PGM2L1: variants seen among roughly 807,000 people sequenced by gnomAD.
PGM2L1 encodes glucose 1,6-bisphosphate synthase.
Under a neutral mutation model 73.4 loss-of-function variants are expected in PGM2L1, and 35 were observed. The observed-to-expected ratio is 0.48, with a 90% CI of 0.36 to 0.63. PGM2L1 has a LOEUF of 0.63. Ranked by LOEUF, PGM2L1 falls within the 30% of genes least tolerant of loss-of-function variation. The probability of loss-of-function intolerance (pLI) is 0.00; values close to 1 mark genes in which losing one functional copy is unlikely to be tolerated. For synonymous variants in PGM2L1, 225 were observed against 253.8 expected, an observed-to-expected ratio of 0.89 and a Z score of 1.08; for missense variants, 570 against 742.0, an observed-to-expected ratio of 0.77 and a Z score of 2.69.
chr11:74,376,593 A>G (rs985283459), intron 1 of PGM2L1, among the ~76,000 whole-genome samples: 5 of 151,712 alleles, frequency 3.3e-5, no homozygotes, highest in Non-Finnish European at 7.4e-5. Context: ...CATTATGCAT[A>G]TATGTATGTA....
rs1382605244 is a variant in PGM2L1, at chr11:74,333,175, A to G, written c.*3477T>C. 1 of 152,070 alleles carries G rather than the reference A, an allele frequency of 6.6e-6. No homozygotes were observed. The highest frequency in any genetic ancestry group is 1.5e-5 in the Non-Finnish European group (1 of 67,994). 9.4% of individuals were successfully genotyped at this position (152,070 alleles called of 1,614,324 possible). On this transcript the variant is annotated 3_prime_UTR_variant, in exon 14 of 14. Coordinates refer to ENST00000298198, the MANE Select transcript of PGM2L1 (RefSeq NM_173582.6). Reference sequence around the variant, plus strand: ...ATCTGTATATCTCTTAATTTTTAAAATTTTTATTCCCTTAAAAATAAAAAA... The same window carrying G: ...ATCTGTATATCTCTTAATTTTTAAAGTTTTTATTCCCTTAAAAATAAAAAA...
chr11:74,388,048 T>C (rs774449669), intron 1 of PGM2L1, among the ~76,000 whole-genome samples: 1 of 152,224 alleles, frequency 6.6e-6, no homozygotes, highest in African/African-American at 2.4e-5. Flanking sequence ...CATGTATATC[T>C]TGCACAGAGG....
intron 5 of PGM2L1, among the ~76,000 whole-genome samples, chr11:74,367,704 G>A (rs1862682446): frequency 6.6e-6 from 1 of 152,108 alleles, no homozygotes; most frequent in Admixed American, 6.5e-5. Context: ...TCTCCCCTGA[G>A]CTACAAGTCT....
rs12049823 is a variant in PGM2L1 at position 74,398,121 on chromosome 11, A to G, written c.41T>C (p.Leu14Pro). 0.17 allele frequency: 267,445 copies of G among 1,612,122 alleles called. 24,174 individuals carry two copies. Among genetic ancestry groups the G allele is most frequent in the East Asian group, 0.29 (13,051 of 44,754 alleles). Residue 14 changes from leucine to proline, a missense_variant, in exon 1 of 14, where the codon CTC (leucine) becomes CCC (proline). Transcript: ENST00000298198. ...NTEGDLNSNL[L>P]HAPYHTGDPQ... Reference sequence around the variant, plus strand: ...GTCCCCGGTGTGGTAGGGGGCGTGGAGCAGGTTGGAGTTCAGATCCCCCTC... The same window carrying G: ...GTCCCCGGTGTGGTAGGGGGCGTGGGGCAGGTTGGAGTTCAGATCCCCCTC...
intron 5 of PGM2L1, among the ~76,000 whole-genome samples, chr11:74,364,304 C>T (rs1199535428): frequency 6.6e-6 from 1 of 152,174 alleles, no homozygotes; most frequent in Non-Finnish European, 1.5e-5. Flanking sequence ...AAAACTGGCA[C>T]AAGACAGGGA....
At position 74,353,176 on chromosome 11, in the gene PGM2L1, G is replaced by GTT. The variant is rs141823370; in HGVS notation, c.556-1602_556-1601dup. 1.8e-4 allele frequency among the ~76,000 whole-genome samples: 27 copies of GTT among 151,512 alleles called. No homozygotes were observed. In the East Asian group the frequency reaches 2.7e-3, roughly 15 times the overall value. On this transcript the variant is annotated intron_variant, in intron 5 of 13. Transcript: ENST00000298198. ...TTAAAACAAACAAAAAACCCAGAAT[G>GTT]TTTTTTTGTGTGTGTGTGTGTTGTA...
chr11:74,357,594 T>C (rs1170471268), intron 5 of PGM2L1, among the ~76,000 whole-genome samples: 1 of 152,248 alleles, frequency 6.6e-6, no homozygotes, highest in South Asian at 2.1e-4. Context: ...TAAAATGGTA[T>C]AGCCACTTTA....
intron 2 of PGM2L1, among the ~76,000 whole-genome samples, chr11:74,372,130 TA>T (rs10712477): frequency 0.67 from 97,858 of 145,682 alleles, 32,377 homozygotes; most frequent in East Asian, 0.8. Context: ...GTCAATAAGC[TA>T]AAAAAAAAAA....
At chr11:74,340,874 G>A (rs1250290771) in intron 12 of PGM2L1, among the ~76,000 whole-genome samples, 3 of 152,086 alleles carry the variant, frequency 2.0e-5, no homozygotes, top group Non-Finnish European at 4.4e-5. Flanking sequence ...GTATGGGCCT[G>A]TAGAAATTGG....
chr11:74,398,233 C>A lies in PGM2L1; in HGVS notation c.-72G>T, dbSNP rs898073589. ...TTGGGGTGGGGGGTGGCTTGGGGTT[C>A]GCTCACCAGGGTCCAGGCGTCCCCA... On this transcript the variant is annotated 5_prime_UTR_variant, in exon 1 of 14. Transcript: ENST00000298198. 8.5e-6 allele frequency: 13 copies of A among 1,531,938 alleles called. No individual in the cohort carries two copies. Among genetic ancestry groups the A allele is most frequent in the South Asian group, 1.3e-5 (1 of 79,154 alleles). 94.9% of individuals were successfully genotyped at this position (1,531,938 alleles called of 1,614,324 possible).
intron 5 of PGM2L1, among the ~76,000 whole-genome samples, chr11:74,353,521 A>C (rs569322465): frequency 0.022 from 3,304 of 151,142 alleles, 70 homozygotes; most frequent in Admixed American, 0.029. Flanking sequence ...ACTTGAGATT[A>C]GGGAGTAGTG....
intron 1 of PGM2L1, among the ~76,000 whole-genome samples, chr11:74,391,307 C>CT (rs1863098722): frequency 6.6e-6 from 1 of 151,906 alleles, no homozygotes; most frequent in Non-Finnish European, 1.5e-5. Context: ...CATCTTCCAG[C>CT]TTTTTACTAT....
intron 6 of PGM2L1, among the ~76,000 whole-genome samples, chr11:74,349,320 ACTG>A (rs1862314258): frequency 6.6e-6 from 1 of 152,114 alleles, no homozygotes; most frequent in Non-Finnish European, 1.5e-5. Context: ...TGACCAATAA[ACTG>A]CTTTTTTAGT....
At chr11:74,358,988 C>T (rs532908756) in intron 5 of PGM2L1, among the ~76,000 whole-genome samples, 218 of 152,156 alleles carry the variant, frequency 1.4e-3, no homozygotes, top group Middle Eastern at 0.014. Flanking sequence ...ACCACAAATG[C>T]AAGCCATATA....
chr11:74,398,430 A>T lies in PGM2L1; in HGVS notation c.-269T>A, dbSNP rs1863218123. 5.4e-6 allele frequency: 2 copies of T among 369,566 alleles called. No individual in the cohort carries two copies. The highest frequency in any genetic ancestry group is 1.1e-4 in the East Asian group (2 of 18,604). 22.9% of individuals were successfully genotyped at this position (369,566 alleles called of 1,614,324 possible). ...CGCGCCGCGAGAGAACAACAGTCCC[A>T]GATGTCTGGGTCCTGGCTCCGCCGC... is the stretch of plus-strand genomic sequence containing the variant. On this transcript the variant is annotated 5_prime_UTR_variant, in exon 1 of 14. Coordinates refer to ENST00000298198, the MANE Select transcript of PGM2L1 (RefSeq NM_173582.6).
intron 5 of PGM2L1, chr11:74,355,688 A>G (rs1862440072): frequency 3.9e-6 from 2 of 513,026 alleles, no homozygotes; most frequent in Admixed American, 2.0e-5. Context: ...GGTGGTTCCA[A>G]TAGCAGCAGT....
intron 5 of PGM2L1, among the ~76,000 whole-genome samples, chr11:74,364,964 A>G (rs909914160): frequency 1.7e-4 from 26 of 152,170 alleles, no homozygotes; most frequent in Non-Finnish European, 2.9e-4. Context: ...ACTTCAAACT[A>G]TACTACAAGG....
chr11:74,355,869 CAT>C, intron 5 of PGM2L1: 2 of 412,424 alleles, frequency 4.8e-6, no homozygotes, highest in South Asian at 3.5e-5. Flanking sequence ...GACAAATACT[CAT>C]GTGTATGGGC....
intron 5 of PGM2L1, among the ~76,000 whole-genome samples, chr11:74,361,142 AC>A: frequency 6.6e-6 from 1 of 151,860 alleles, no homozygotes; most frequent in East Asian, 1.9e-4. Flanking sequence ...ACTGGGAGGC[AC>A]CCCCCAGTAG....
Sources: allele counts gnomAD v4.1 joint callset (sites outside exome capture counted in the v4.1 genomes callset), GRCh38; gene constraint gnomAD v4.1.1; transcripts MANE v1.5; gene names NCBI Gene and HGNC (gene_info 2026-07-23, HGNC 2026-07-21).